The following AFF3 variants were observed in gnomAD, a reference collection of about 807,000 sequenced individuals.
The protein encoded by AFF3 is AF4/FMR2 family member 3.
A neutral mutation model predicts 129.7 loss-of-function variants in AFF3; 32 were observed. That is an observed-to-expected ratio of 0.25 (90% CI 0.19 to 0.33). The LOEUF (loss-of-function observed/expected upper bound fraction) is 0.33, where lower values mean the gene tolerates loss of function less well. AFF3 is among the 10% of genes least tolerant of loss of function. AFF3 has a pLI of 1.00. For synonymous variants in AFF3, 644 were observed against 635.4 expected (o/e 1.01, Z -0.20); for missense variants, 1,373 against 1,592.0 (o/e 0.86, Z 2.34).
rs190076024 is a variant in AFF3 at position 99,551,096 on chromosome 2, C to T, written c.*378G>A. On this transcript the variant is annotated 3_prime_UTR_variant, in exon 25 of 25. Transcript: ENST00000672756. ...TTTGGTTGAATTTTCTAAGAAGTCACGGTTTAGCACTGGAATGGAATAGAA... is the reference window on the plus strand; with the variant it reads ...TTTGGTTGAATTTTCTAAGAAGTCATGGTTTAGCACTGGAATGGAATAGAA... The T allele has an allele frequency of 4.5e-5, 19 of 419,036 alleles. No homozygotes were observed. The highest frequency in any genetic ancestry group is 6.1e-4 in the Middle Eastern group (1 of 1,648). The allele number at this position is 419,036 out of a possible 1,614,324, so 26.0% of individuals were successfully genotyped here. A position where few individuals can be genotyped will look rare whatever the true frequency, so the allele number is the denominator to read the frequency against.
chr2:99,556,499 T>A (rs916301947), intron 22 of AFF3, among the ~76,000 whole-genome samples: 2 of 152,116 alleles, frequency 1.3e-5, no homozygotes, highest in African/African-American at 2.4e-5. Flanking sequence ...CTAAGCCCCA[T>A]GCCCAAGAAA....
chr2:99,935,694 T>C (rs1042750378), intron 7 of AFF3, among the ~76,000 whole-genome samples: 2 of 152,202 alleles, frequency 1.3e-5, no homozygotes, highest in East Asian at 1.9e-4. Context: ...AAATAGACCA[T>C]ATCAAAGAGC....
At chr2:99,837,297 G>T (rs906980578) in intron 8 of AFF3, among the ~76,000 whole-genome samples, 180 bp downstream of exon 8, 1 of 152,112 alleles carries the variant, frequency 6.6e-6, no homozygotes, top group African/African-American at 2.4e-5. Context: ...GTGCCCAGAG[G>T]GGGTGCAGCT....
chr2:99,706,555 T>C (rs1342069891), intron 11 of AFF3, among the ~76,000 whole-genome samples: 1 of 152,200 alleles, frequency 6.6e-6, no homozygotes, highest in East Asian at 1.9e-4. Context: ...CAAAATTTCA[T>C]TGTTCTTTAT....
chr2:99,573,253 T>C (rs1676674109), intron 18 of AFF3, among the ~76,000 whole-genome samples: 2 of 144,366 alleles, frequency 1.4e-5, no homozygotes, highest in African/African-American at 5.8e-5. Context: ...CAAATCCTAC[T>C]TCATTTCTTT....
intron 4 of AFF3, among the ~76,000 whole-genome samples, chr2:100,079,548 T>C (rs928968030): frequency 6.6e-6 from 1 of 152,190 alleles, no homozygotes; most frequent in African/African-American, 2.4e-5. Flanking sequence ...TGAATTCAAC[T>C]GGTATACACA....
chr2:99,905,914 G>GT (rs146066097), intron 7 of AFF3, among the ~76,000 whole-genome samples: 3,566 of 149,298 alleles, frequency 0.024, 60 homozygotes, highest in Non-Finnish European at 0.04. Context: ...CCCATTCAAT[G>GT]TTTTTTTTTT....
At chr2:99,942,158 G>A (rs562962510) in intron 7 of AFF3, among the ~76,000 whole-genome samples, 7 of 152,268 alleles carry the variant, frequency 4.6e-5, no homozygotes, top group Admixed American at 3.3e-4. Flanking sequence ...TTGAAGATAC[G>A]AAGATGGATG....
intron 7 of AFF3, among the ~76,000 whole-genome samples, chr2:99,874,160 G>C (rs767773709): frequency 6.6e-6 from 1 of 152,152 alleles, no homozygotes; most frequent in Non-Finnish European, 1.5e-5. Flanking sequence ...CTGGGCGATA[G>C]AGCTAGACTC....
chr2:99,639,058 T>G (rs1287264822), intron 13 of AFF3, among the ~76,000 whole-genome samples: 1 of 152,190 alleles, frequency 6.6e-6, no homozygotes, highest in Non-Finnish European at 1.5e-5. Context: ...GAGTCTGTAT[T>G]AGTCCTCAGG....
At chr2:99,859,072 G>A (rs1051992465) in intron 7 of AFF3, among the ~76,000 whole-genome samples, 4 of 152,166 alleles carry the variant, frequency 2.6e-5, no homozygotes, top group South Asian at 2.1e-4. Flanking sequence ...AAGCAGCTCC[G>A]CTTCTCCTGT....
intron 11 of AFF3, among the ~76,000 whole-genome samples, chr2:99,705,869 C>G (rs898025020): frequency 1.1e-5 from 1 of 94,560 alleles, no homozygotes; most frequent in Non-Finnish European, 1.9e-5. Context: ...AGCAAAACTG[C>G]GCCTCAAAAA....
intron 7 of AFF3, among the ~76,000 whole-genome samples, chr2:99,858,886 C>T (rs527317450): frequency 2.0e-5 from 3 of 152,240 alleles, no homozygotes; most frequent in African/African-American, 7.2e-5. Context: ...TGCACTTGTA[C>T]CCCTGAACTT....
chr2:99,793,000 G>A lies in AFF3; in HGVS notation c.922-40699C>T, dbSNP rs1257154527. Among the ~76,000 whole-genome samples the A allele has an allele frequency of 3.9e-5, 6 of 152,070 alleles. 1 individual carries two copies. In the East Asian group the frequency reaches 5.8e-4, roughly 15 times the overall value. Reference sequence around the variant, plus strand: ...CATCTGAGTGACACCATCTGATCACGGTGATATGGTTTGGATATTTGTCCC... The same window carrying A: ...CATCTGAGTGACACCATCTGATCACAGTGATATGGTTTGGATATTTGTCCC... On this transcript the variant is annotated intron_variant, in intron 8 of 24. Coordinates refer to ENST00000672756, the MANE Select transcript of AFF3 (RefSeq NM_001386135.1).
In AFF3 at chr2:99,970,636, C is replaced by T. The variant is rs528616360; in HGVS notation, c.873+35996G>A. On this transcript the variant is annotated intron_variant, in intron 7 of 24. Transcript: ENST00000672756. ...ACAGTTTCCCCTGCCCCACTCCTTC[C>T]GGACATGCTCCCCTTCCTGCACGTC... 1.2e-3 allele frequency among the ~76,000 whole-genome samples: 180 copies of T among 152,336 alleles called. 1 individual carries two copies. Among genetic ancestry groups the T allele is most frequent in the Non-Finnish European group, 1.9e-3 (126 of 68,036 alleles).
At position 100,107,490 on chromosome 2, in the gene AFF3, A is replaced by G. The variant is rs575178928; in HGVS notation, c.-144-1907T>C. 2.3e-5 allele frequency: 23 copies of G among 985,302 alleles called. 1 individual carries two copies. Among genetic ancestry groups the G allele is most frequent in the East Asian group, 2.3e-4 (2 of 8,808 alleles). 61.0% of individuals were successfully genotyped at this position (985,302 alleles called of 1,614,324 possible). A position where few individuals can be genotyped will look rare whatever the true frequency, so the allele number is the denominator to read the frequency against. ...AAGAGAAAGAGACTCTCTAAAAATAAAAATGTTAGAGTGATGTTTTCTATG... is the reference window on the plus strand; with the variant it reads ...AAGAGAAAGAGACTCTCTAAAAATAGAAATGTTAGAGTGATGTTTTCTATG... On this transcript the variant is annotated intron_variant, in intron 2 of 24. Transcript: ENST00000672756.
At chr2:99,729,156 T>A (rs867351410) in intron 10 of AFF3, among the ~76,000 whole-genome samples, 1 of 152,194 alleles carries the variant, frequency 6.6e-6, no homozygotes, top group Non-Finnish European at 1.5e-5. Flanking sequence ...TAATGAAGAA[T>A]GTAAAACAGC....
chr2:100,049,674 G>A (rs1192580142), intron 4 of AFF3, among the ~76,000 whole-genome samples: 2 of 152,198 alleles, frequency 1.3e-5, no homozygotes, highest in Non-Finnish European at 2.9e-5. Context: ...AGAGAATGTG[G>A]CAGAATGGCT....
chr2:99,594,118 GGCAAAC>G lies in AFF3; in HGVS notation c.1537_1542del (p.Val513_Cys514del). On this transcript the variant is annotated inframe_deletion, in exon 15 of 25. Transcript: ENST00000672756. ...ATCTCCTTCTCTCTCAGGCTGGGCT[GGCAAAC>G]GTCGGGGACTTTCCCACAGTCCTGG... 6.2e-7 allele frequency: 1 copy of G among 1,614,078 alleles called. No individual in the cohort carries two copies. Among genetic ancestry groups the G allele is most frequent in the Non-Finnish European group, 8.5e-7 (1 of 1,179,984 alleles).
Sources: allele counts gnomAD v4.1 joint callset (sites outside exome capture counted in the v4.1 genomes callset), GRCh38; gene constraint gnomAD v4.1.1; transcripts MANE v1.5; gene names NCBI Gene and HGNC (gene_info 2026-07-23, HGNC 2026-07-21).